ARID1B: variants seen among roughly 807,000 people sequenced by gnomAD.
ARID1B encodes the protein AT-rich interactive domain-containing protein 1B.
ARID1B carries 30 observed loss-of-function variants against 212.3 expected under a neutral mutation model. The ratio of observed to expected loss-of-function variants is 0.14; its 90% CI spans 0.11 to 0.19. The LOEUF (loss-of-function observed/expected upper bound fraction) is 0.19. ARID1B is among the 10% of genes least tolerant of loss of function. The pLI, the probability that ARID1B is intolerant of heterozygous loss-of-function variation, is 1.00. For synonymous variants in ARID1B, 1,402 were observed against 1,301.7 expected (o/e 1.08, Z -1.66); for missense variants, 2,891 against 3,204.0 (o/e 0.90, Z 2.36).
rs1239063473 is a variant in ARID1B at position 157,084,699 on chromosome 6, C to T, written c.2285C>T (p.Thr762Met). The part of the protein sequence containing the change: ...SGSIDDLPTG[T>M]EATLSSAVSA... Reference sequence around the variant, plus strand: ...TCCATTGATGACCTCCCCACGGGAACGGAAGCAACTTTGAGCTCAGCAGTC... The same window carrying T: ...TCCATTGATGACCTCCCCACGGGAATGGAAGCAACTTTGAGCTCAGCAGTC... Residue 762 changes from threonine (T) to methionine (M), a missense_variant, in exon 5 of 20, where the codon ACG (threonine) becomes ATG (methionine). Coordinates refer to ENST00000636930, the MANE Select transcript of ARID1B (RefSeq NM_001374828.1). 3 of 1,614,152 alleles carry T rather than the reference C, an allele frequency of 1.9e-6. No homozygotes were observed. The highest frequency in any genetic ancestry group is 8.5e-7 in the Non-Finnish European group (1 of 1,180,010).
chr6:156,985,762 T>C (rs1562529034), intron 4 of ARID1B: 1 of 152,206 alleles, frequency 6.6e-6, no homozygotes, highest in South Asian at 2.1e-4. Flanking sequence ...CTTAAACGTC[T>C]GCACATTGCT....
intron 2 of ARID1B, among the ~76,000 whole-genome samples, chr6:156,842,683 G>A (rs896863589): frequency 2.0e-5 from 3 of 152,190 alleles, no homozygotes; most frequent in South Asian, 2.1e-4. Context: ...TTAAGGAAGT[G>A]CCAAACCATT....
chr6:157,109,696 T>A (rs992769669), intron 5 of ARID1B, among the ~76,000 whole-genome samples: 1 of 152,236 alleles, frequency 6.6e-6, no homozygotes, highest in Non-Finnish European at 1.5e-5. Flanking sequence ...ATCTCTCTTT[T>A]ATCAGTATAG....
chr6:157,059,978 G>T (rs1267259268), intron 4 of ARID1B, among the ~76,000 whole-genome samples: 1 of 152,170 alleles, frequency 6.6e-6, no homozygotes, highest in Non-Finnish European at 1.5e-5. Flanking sequence ...GTTCTTGTGG[G>T]CAGCGTGTCA....
At chr6:157,095,333 G>A (rs1005246743) in intron 5 of ARID1B, among the ~76,000 whole-genome samples, 26 of 152,302 alleles carry the variant, frequency 1.7e-4, no homozygotes, top group African/African-American at 2.4e-4. Context: ...GGTCTGACAC[G>A]GGGTATTCCG....
chr6:157,189,788 C>T lies in ARID1B; in HGVS notation c.4058+8C>T. ...TCCAATGCAAGGTGGAAGGTATGTT[C>T]AAATAACTCTGTGAGGCATACAAAG... On this transcript the variant is annotated splice_region_variant and intron_variant, in intron 14 of 19. Transcript: ENST00000636930. 1 of 1,613,216 alleles carries T rather than the reference C, an allele frequency of 6.2e-7. No individual in the cohort carries two copies. The highest frequency in any genetic ancestry group is 8.5e-7 in the Non-Finnish European group (1 of 1,179,842).
intron 4 of ARID1B, among the ~76,000 whole-genome samples, chr6:156,966,395 T>TTTTTTTTTTTTTTTTTG (rs1562516405): frequency 7.6e-6 from 1 of 131,366 alleles, no homozygotes; most frequent in African/African-American, 3.2e-5. Context: ...TCTTTTTTTT[T>TTTTTTTTTTTTTTTTTG]TTTTTTTTTT....
intron 2 of ARID1B, among the ~76,000 whole-genome samples, chr6:156,849,473 C>T (rs987038240): frequency 2.0e-5 from 3 of 152,152 alleles, no homozygotes; most frequent in South Asian, 4.1e-4. Flanking sequence ...ATGTGGGACC[C>T]GCTGCTAAGA....
chr6:156,788,750 A>G (rs763829567), intron 1 of ARID1B, among the ~76,000 whole-genome samples: 14 of 152,230 alleles, frequency 9.2e-5, no homozygotes, highest in Non-Finnish European at 1.3e-4. Context: ...TCAAAACAGG[A>G]ATGTCAAATC....
At chr6:157,011,717 A>G (rs1779620260) in intron 4 of ARID1B, among the ~76,000 whole-genome samples, 1 of 152,250 alleles carries the variant, frequency 6.6e-6, no homozygotes, top group Non-Finnish European at 1.5e-5. Context: ...CTTTTATTAC[A>G]AATGAATCTA....
At chr6:157,161,341 C>T (rs1790915263) in intron 8 of ARID1B, among the ~76,000 whole-genome samples, 1 of 151,958 alleles carries the variant, frequency 6.6e-6, no homozygotes, top group Non-Finnish European at 1.5e-5. Flanking sequence ...ATTGCTAATG[C>T]AGCTGTTGTT....
At chr6:157,180,490 ATGCT>A (rs1479881046) in intron 11 of ARID1B, among the ~76,000 whole-genome samples, 1 of 152,158 alleles carries the variant, frequency 6.6e-6, no homozygotes, top group Non-Finnish European at 1.5e-5. Flanking sequence ...CATCCTCCAG[ATGCT>A]GTAGCATTTT....
At chr6:157,191,743 A>G (rs941177985) in intron 15 of ARID1B, among the ~76,000 whole-genome samples, 2 of 152,236 alleles carry the variant, frequency 1.3e-5, no homozygotes, top group African/African-American at 4.8e-5. Context: ...AAATTGAAGC[A>G]TGATGTGTAT....
rs1354950320 is a variant in ARID1B at position 156,778,924 on chromosome 6, G to C, written c.1244G>C (p.Gly415Ala). 2.0e-5 allele frequency: 27 copies of C among 1,322,002 alleles called. No individual in the cohort carries two copies. Among genetic ancestry groups the C allele is most frequent in the Middle Eastern group, 2.5e-4 (1 of 3,942 alleles). The allele number at this position is 1,322,002 out of a possible 1,614,324, so 81.9% of individuals were successfully genotyped here. The change falls in exon 1 of 20, where the codon GGA becomes GCA. Residue 415 changes from glycine (G) to alanine (A), a missense_variant. By Grantham distance (60) the Gly-to-Ala change is moderately conservative. This residue lies in a region of ARID1B where 1,643 missense variants were observed against 1,544.0 expected (regional missense o/e 1.06). Transcript: ENST00000636930. ...GGAGGAGGAGGAGGAGCAGGAGCAGGAGGAGCAGGAGCGGGAGCTGTGGCG... is the reference window on the plus strand; with the variant it reads ...GGAGGAGGAGGAGGAGCAGGAGCAGCAGGAGCAGGAGCGGGAGCTGTGGCG... ...GGGGGGGAGA[G>A]GAGAGAVAAA... is the part of the protein sequence containing the mutation.
chr6:157,145,576 A>C (rs899407108), intron 7 of ARID1B, among the ~76,000 whole-genome samples: 4 of 152,232 alleles, frequency 2.6e-5, no homozygotes, highest in Non-Finnish European at 4.4e-5. Context: ...AAGTCTGCAG[A>C]GGTCTCTTGC....
intron 2 of ARID1B, among the ~76,000 whole-genome samples, chr6:156,838,512 G>A (rs1783662599): frequency 1.3e-5 from 2 of 152,000 alleles, no homozygotes; most frequent in South Asian, 2.1e-4. Flanking sequence ...TAGCGAGAGC[G>A]TACCTGAAAG....
chr6:156,893,545 G>A (rs1210939453), intron 2 of ARID1B, among the ~76,000 whole-genome samples: 1 of 152,062 alleles, frequency 6.6e-6, no homozygotes, highest in Non-Finnish European at 1.5e-5. Context: ...ATATCTGATA[G>A]GGGATTAATA....
intron 3 of ARID1B, among the ~76,000 whole-genome samples, chr6:156,933,522 G>C (rs1294286227): frequency 6.6e-6 from 1 of 152,198 alleles, no homozygotes; most frequent in Non-Finnish European, 1.5e-5. Context: ...AGGTGGTGGG[G>C]AGAGTGGTCA....
intron 8 of ARID1B, among the ~76,000 whole-genome samples, chr6:157,162,584 C>T (rs941260865): frequency 6.6e-6 from 1 of 152,200 alleles, no homozygotes; most frequent in African/African-American, 2.4e-5. Flanking sequence ...CTGTAATAAC[C>T]TGGCTTTGCT....
Sources: allele counts gnomAD v4.1 joint callset (sites outside exome capture counted in the v4.1 genomes callset), GRCh38; gene constraint gnomAD v4.1.1; regional missense constraint gnomAD v4.1.1; transcripts MANE v1.5; gene names NCBI Gene and HGNC (gene_info 2026-07-23, HGNC 2026-07-21).